C1orf159: variants seen among roughly 807,000 people sequenced by gnomAD.
C1orf159 encodes the protein uncharacterized protein C1orf159.
In C1orf159, 19 loss-of-function variants were observed where a neutral mutation model predicts 25.6. The observed-to-expected ratio is 0.74, with a 90% CI of 0.52 to 1.09. The LOEUF (loss-of-function observed/expected upper bound fraction) is 1.09, where lower values mean the gene tolerates loss of function less well. Among genes scored for constraint, C1orf159 ranks in the 50% least tolerant of loss-of-function variants. The pLI is 0.00. For synonymous variants in C1orf159, 139 were observed against 124.7 expected (o/e 1.12, Z -0.77); for missense variants, 274 against 290.6 (o/e 0.94, Z 0.42).
intron 1 of C1orf159, among the ~76,000 whole-genome samples, chr1:1,108,613 C>G (rs1460611865): frequency 5.0e-5 from 7 of 140,944 alleles, no homozygotes; most frequent in Non-Finnish European, 1.1e-4. Context: ...CCGTTCACCA[C>G]AGCCACCATG....
intron 1 of C1orf159, among the ~76,000 whole-genome samples, chr1:1,098,100 G>A (rs534950920): frequency 5.2e-4 from 78 of 149,590 alleles, no homozygotes; most frequent in African/African-American, 1.2e-3. Context: ...AAACAGTCTC[G>A]CTCTGTCACC....
rs774771886 is a variant in C1orf159 at position 1,085,908 on chromosome 1, G to T, written c.415C>A (p.Leu139Ile). 6.2e-7 allele frequency: 1 copy of T among 1,613,282 alleles called. No individual in the cohort carries two copies. The highest frequency in any genetic ancestry group is 8.5e-7 in the Non-Finnish European group (1 of 1,179,772). Residue 139 changes from leucine to isoleucine, a missense_variant, in exon 7 of 10, where the codon CTC (leucine) becomes ATC (isoleucine). Leu to Ile is a conservative substitution (Grantham distance 5). Coordinates refer to ENST00000421241, the MANE Select transcript of C1orf159 (RefSeq NM_017891.5). ...TTTCTTCTGTAGCAGGCCCTGGGGA[G>T]TTTACTGGAGCGCTTGAGGTAGAAG... ...GFFYLKRSSKLPRACYRRNKA... is the reference protein window; with the variant it reads ...GFFYLKRSSKIPRACYRRNKA...
In C1orf159 at chr1:1,089,897, C is replaced by T. The variant is rs753713480; in HGVS notation, c.148+456G>A. 1.3e-4 allele frequency among the ~76,000 whole-genome samples: 20 copies of T among 152,338 alleles called. No homozygotes were observed. The highest frequency in any genetic ancestry group is 5.8e-4 in the East Asian group (3 of 5,178). On this transcript the variant is annotated intron_variant, in intron 4 of 9. Transcript: ENST00000421241. This position sits in a 1 kb window ranked among gnomAD's most constrained non-coding sequence, Gnocchi z 7.5. ...TGATGAACAGGGCCTGCCCGTGGCA[C>T]GCTGACACAGGCCGGCATCCTCGTG...
chr1:1,093,526 C>T (rs975676126), intron 1 of C1orf159, among the ~76,000 whole-genome samples: 4 of 152,260 alleles, frequency 2.6e-5, no homozygotes, highest in Non-Finnish European at 5.9e-5. Flanking sequence ...CCCGGGCTCC[C>T]GGCAGCCAGG....
chr1:1,091,154 A>C (rs1228040561), intron 3 of C1orf159: 11 of 624,112 alleles, frequency 1.8e-5, no homozygotes, highest in African/African-American at 3.7e-5. Flanking sequence ...CCGCAGCTAC[A>C]CTCCCCGATA....
chr1:1,089,438 C>T lies in C1orf159; in HGVS notation c.148+915G>A, dbSNP rs1284290480. 1.3e-5 allele frequency among the ~76,000 whole-genome samples: 2 copies of T among 152,146 alleles called. No homozygotes were observed. Among genetic ancestry groups the T allele is most frequent in the East Asian group, 3.9e-4 (2 of 5,192 alleles). On this transcript the variant is annotated intron_variant, in intron 4 of 9. Coordinates refer to ENST00000421241, the MANE Select transcript of C1orf159 (RefSeq NM_017891.5). The surrounding 1 kb of genome is among the most constrained non-coding windows in gnomAD (Gnocchi z 7.5). ...CCCAAGGTGCTCAGCTTCCTCCCAG[C>T]CCCTCTGTTCTCCCTCAGAGCGGTG...
Position 1,089,972 on chromosome 1 carries a change from C to G in C1orf159, c.148+381G>C, listed in dbSNP as rs934543298. ...TCCACGCACCAGGGGCCAGCAGCAC[C>G]TCTGCCCGAGCACGGACAGGCAAAA... On this transcript the variant is annotated intron_variant, in intron 4 of 9. Coordinates refer to ENST00000421241, the MANE Select transcript of C1orf159 (RefSeq NM_017891.5). This position sits in a 1 kb window ranked among gnomAD's most constrained non-coding sequence, Gnocchi z 7.5. 1.3e-5 allele frequency among the ~76,000 whole-genome samples: 2 copies of G among 152,248 alleles called. No homozygotes were observed. Among genetic ancestry groups the G allele is most frequent in the African/African-American group, 4.8e-5 (2 of 41,460 alleles).
Position 1,089,438 on chromosome 1 carries a change from C to G in C1orf159, c.148+915G>C, listed in dbSNP as rs1284290480. Among the ~76,000 whole-genome samples the G allele has an allele frequency of 1.3e-5, 2 of 152,146 alleles. No individual in the cohort carries two copies. The highest frequency in any genetic ancestry group is 2.9e-5 in the Non-Finnish European group (2 of 68,000). On this transcript the variant is annotated intron_variant, in intron 4 of 9. Transcript: ENST00000421241. This position sits in a 1 kb window ranked among gnomAD's most constrained non-coding sequence, Gnocchi z 7.5. ...CCCAAGGTGCTCAGCTTCCTCCCAG[C>G]CCCTCTGTTCTCCCTCAGAGCGGTG...
intron 1 of C1orf159, among the ~76,000 whole-genome samples, chr1:1,096,530 T>C (rs1646011387): frequency 6.6e-6 from 1 of 152,212 alleles, no homozygotes; most frequent in African/African-American, 2.4e-5. Context: ...TCTTTGAATG[T>C]TTGATAGAAT....
rs1249281419 is a variant in C1orf159, at chr1:1,082,929, A to T, written c.561T>A (p.Ala187=). 3 of 1,603,378 alleles carry T rather than the reference A, an allele frequency of 1.9e-6. No individual in the cohort carries two copies. The highest frequency in any genetic ancestry group is 2.6e-6 in the Non-Finnish European group (3 of 1,175,856). The change falls in exon 10 of 10, where the codon GCT becomes GCA. Residue 187 remains alanine, a synonymous_variant. Transcript: ENST00000421241. ...TGATACGGGCCTCCCCCGGGAAGGCAGCGGGATCCGTGGCCCTGTCCAGGG... is the reference window on the plus strand; with the variant it reads ...TGATACGGGCCTCCCCCGGGAAGGCTGCGGGATCCGTGGCCCTGTCCAGGG... ...ERPLDRATDP[A]AFPGEARISN...
Position 1,099,648 on chromosome 1 carries a change from T to A in C1orf159, c.-135-7545A>T, listed in dbSNP as rs200378399. ...AATTGGAGAGAGAGAGGTTAAAATC[T>A]CTGACTATGATTGTGGATTGTCTGC... On this transcript the variant is annotated intron_variant, in intron 1 of 9. Transcript: ENST00000421241. 5.9e-5 allele frequency among the ~76,000 whole-genome samples: 9 copies of A among 152,108 alleles called. No individual in the cohort carries two copies. The East Asian group carries it at 1.7e-3, about 29-fold the overall frequency.
intron 2 of C1orf159, 108 bp downstream of exon 2, chr1:1,091,883 G>A (rs1645944729): frequency 2.1e-6 from 1 of 471,092 alleles, no homozygotes; most frequent in African/African-American, 1.9e-5. Flanking sequence ...CGTGGCAGGG[G>A]TGCAGGGCCA....
intron 1 of C1orf159, among the ~76,000 whole-genome samples, chr1:1,102,507 C>T (rs1202751940): frequency 6.7e-6 from 1 of 148,506 alleles, no homozygotes. Context: ...TGGCCAAGCA[C>T]AGTGGCTCAC....
In C1orf159 at chr1:1,091,549, G is replaced by C; in HGVS notation, c.-6C>G. 1 of 1,549,022 alleles carries C rather than the reference G, an allele frequency of 6.5e-7. No homozygotes were observed. The highest frequency in any genetic ancestry group is 8.7e-7 in the Non-Finnish European group (1 of 1,146,740). ...GCGAGGTGCCGCAGCGCCATGCCAG[G>C]AGCAGATGCGCAGAGCCTGCCACAG... On this transcript the variant is annotated 5_prime_UTR_variant, in exon 3 of 10. Coordinates refer to ENST00000421241, the MANE Select transcript of C1orf159 (RefSeq NM_017891.5).
intron 1 of C1orf159, among the ~76,000 whole-genome samples, chr1:1,104,097 C>T (rs957995370): frequency 2.0e-5 from 3 of 152,188 alleles, no homozygotes; most frequent in African/African-American, 4.8e-5. Context: ...ACGCGATTCT[C>T]CTGCCTCGGC....
At chr1:1,093,121 G>A (rs1645964675) in intron 1 of C1orf159, among the ~76,000 whole-genome samples, 1 of 152,084 alleles carries the variant, frequency 6.6e-6, no homozygotes, top group East Asian at 1.9e-4. Context: ...TGAAGTCACA[G>A]ACATGCTGCT....
At chr1:1,115,526 TC>T (rs1215895785) in intron 1 of C1orf159, among the ~76,000 whole-genome samples, 1 of 10,152 alleles carries the variant, frequency 9.9e-5, no homozygotes, top group Admixed American at 1.5e-3. Flanking sequence ...CCCCCTCCCC[TC>T]CCCAGGTGCC....
chr1:1,087,000 G>C (rs548543822), intron 6 of C1orf159, 139 bp downstream of exon 6: 2 of 825,760 alleles, frequency 2.4e-6, no homozygotes, highest in African/African-American at 1.7e-5. Flanking sequence ...AGCTGCAGGG[G>C]CTGCCACGCT....
chr1:1,094,333 G>A (rs1038455340), intron 1 of C1orf159, among the ~76,000 whole-genome samples: 4 of 151,988 alleles, frequency 2.6e-5, no homozygotes, highest in Non-Finnish European at 4.4e-5. Context: ...TCACCACCAC[G>A]CTCAGCTAAA....
Sources: allele counts gnomAD v4.1 joint callset (sites outside exome capture counted in the v4.1 genomes callset), GRCh38; gene constraint gnomAD v4.1.1; non-coding constraint Gnocchi (gnomAD v3.1); transcripts MANE v1.5; gene names NCBI Gene and HGNC (gene_info 2026-07-23, HGNC 2026-07-21).